CARNMT1: variants seen among roughly 807,000 people sequenced by gnomAD.
CARNMT1 encodes protein-L-histidine N-pros-methyltransferase CARNMT1.
A neutral mutation model predicts 49.6 loss-of-function variants in CARNMT1; 28 were observed. The observed-to-expected ratio is 0.56, with a 90% confidence interval of 0.42 to 0.77. The LOEUF is 0.77. CARNMT1 is among the 30% of genes least tolerant of loss of function. The pLI is 0.00. For missense variants in CARNMT1, 421 were observed against 512.6 expected (o/e 0.82, Z 1.73); for synonymous variants, 178 against 175.0 (o/e 1.02, Z -0.13).
At chr9:75,009,510 A>T (rs894721482) in intron 3 of CARNMT1, among the ~76,000 whole-genome samples, 4 of 152,132 alleles carry the variant, frequency 2.6e-5, no homozygotes, top group Admixed American at 2.6e-4. Context: ...ATCATCAAAC[A>T]TAAAATAAAA....
intron 6 of CARNMT1, among the ~76,000 whole-genome samples, chr9:74,992,841 T>C (rs1035762778): frequency 2.6e-5 from 4 of 152,186 alleles, no homozygotes; most frequent in Non-Finnish European, 5.9e-5. Context: ...CCATTATATA[T>C]GAATATATTG....
chr9:75,016,129 C>G (rs1833839540), intron 3 of CARNMT1, 139 bp downstream of exon 3: 1 of 604,652 alleles, frequency 1.7e-6, no homozygotes, highest in African/African-American at 1.9e-5. Flanking sequence ...CATCCAATAA[C>G]AAATGTTAAC....
chr9:75,012,443 T>C (rs1480167943), intron 3 of CARNMT1, among the ~76,000 whole-genome samples: 1 of 152,026 alleles, frequency 6.6e-6, no homozygotes, highest in African/African-American at 2.4e-5. Context: ...TGCACCACCA[T>C]GCCCAGCTAA....
intron 1 of CARNMT1, among the ~76,000 whole-genome samples, chr9:75,023,344 G>A (rs1564108285): frequency 6.6e-6 from 1 of 152,116 alleles, no homozygotes; most frequent in Non-Finnish European, 1.5e-5. Context: ...TTCAGCATAT[G>A]TAAAAAGCAA....
chr9:75,027,046 G>C (rs1201701885), intron 1 of CARNMT1: 1 of 1,301,346 alleles, frequency 7.7e-7, no homozygotes, highest in Non-Finnish European at 1.0e-6. Context: ...TATGGGAACA[G>C]GTTTACCTGC....
At chr9:75,023,974 G>C (rs1587314290) in intron 1 of CARNMT1, among the ~76,000 whole-genome samples, 1 of 152,182 alleles carries the variant, frequency 6.6e-6, no homozygotes, top group Non-Finnish European at 1.5e-5. Flanking sequence ...TTGCTGATAA[G>C]AGGAGAAAGT....
At chr9:75,005,366 C>T (rs946594700) in intron 3 of CARNMT1, among the ~76,000 whole-genome samples, 31 of 152,118 alleles carry the variant, frequency 2.0e-4, no homozygotes, top group African/African-American at 7.5e-4. Flanking sequence ...ATATTAAAAA[C>T]TTGAAACATA....
intron 3 of CARNMT1, among the ~76,000 whole-genome samples, chr9:75,013,829 C>A (rs374973918): frequency 4.0e-5 from 6 of 151,732 alleles, no homozygotes; most frequent in African/African-American, 1.4e-4. Context: ...CATAGCAAGA[C>A]CCCTGCCTCT....
chr9:75,013,110 T>C lies in CARNMT1; in HGVS notation c.590+3158A>G, dbSNP rs551196870. 2.6e-5 allele frequency among the ~76,000 whole-genome samples: 4 copies of C among 152,246 alleles called. No individual in the cohort carries two copies. In the South Asian group the frequency reaches 8.3e-4, roughly 32 times the overall value. On this transcript the variant is annotated intron_variant, in intron 3 of 7. Transcript: ENST00000376834. ...ATATTAGCTCCAATTCTCATAAGTATATACAGGCCCTATAATTGCAGCAGA... is the reference window on the plus strand; with the variant it reads ...ATATTAGCTCCAATTCTCATAAGTACATACAGGCCCTATAATTGCAGCAGA...
At chr9:75,007,454 C>T (rs1033662402) in intron 3 of CARNMT1, among the ~76,000 whole-genome samples, 14 of 151,862 alleles carry the variant, frequency 9.2e-5, no homozygotes, top group Non-Finnish European at 1.5e-4. Context: ...TTTGGCTGGG[C>T]GTGGTGGCTC....
intron 3 of CARNMT1, chr9:75,015,860 G>C (rs1833833776): frequency 6.6e-6 from 1 of 151,988 alleles, no homozygotes; most frequent in African/African-American, 2.4e-5. Context: ...ATGGGCTTCA[G>C]ACTGAACAAT....
At position 74,983,719 on chromosome 9, in the gene CARNMT1, G is replaced by T; in HGVS notation, c.*48C>A. 9.0e-7 allele frequency: 1 copy of T among 1,116,306 alleles called. No homozygotes were observed. The highest frequency in any genetic ancestry group is 1.4e-5 in the South Asian group (1 of 69,436). 69.2% of individuals were successfully genotyped at this position (1,116,306 alleles called of 1,614,324 possible). ...AGTTGATTTTGAGTCGTTGATTTCA[G>T]CATTTGTTCTTACTAAACTTTTTTC... On this transcript the variant is annotated 3_prime_UTR_variant, in exon 8 of 8. Coordinates refer to ENST00000376834, the MANE Select transcript of CARNMT1 (RefSeq NM_152420.3).
At position 75,028,276 on chromosome 9, in the gene CARNMT1, C is replaced by A; in HGVS notation, c.-35G>T. 1 of 1,345,446 alleles carries A rather than the reference C, an allele frequency of 7.4e-7. No homozygotes were observed. The highest frequency in any genetic ancestry group is 9.5e-7 in the Non-Finnish European group (1 of 1,052,564). The allele number at this position is 1,345,446 out of a possible 1,614,324, so 83.3% of individuals were successfully genotyped here. A position where few individuals can be genotyped will look rare whatever the true frequency, so the allele number is the denominator to read the frequency against. On this transcript the variant is annotated 5_prime_UTR_variant, in exon 1 of 8. Coordinates refer to ENST00000376834, the MANE Select transcript of CARNMT1 (RefSeq NM_152420.3). Reference sequence around the variant, plus strand: ...GGCCCTCGGCCTGGCTCGCTTGCGTCTCTCCGCGACCGACAGCGTGGTGGC... The same window carrying A: ...GGCCCTCGGCCTGGCTCGCTTGCGTATCTCCGCGACCGACAGCGTGGTGGC...
intron 1 of CARNMT1, among the ~76,000 whole-genome samples, chr9:75,018,409 C>T (rs1444478531): frequency 2.0e-5 from 3 of 152,034 alleles, no homozygotes; most frequent in African/African-American, 7.2e-5. Context: ...CACAGTATAT[C>T]ATTTTTATAT....
chr9:75,016,590 GAA>G (rs1335462750), intron 2 of CARNMT1, 159 bp from the exon 3 acceptor site: 3 of 628,438 alleles, frequency 4.8e-6, no homozygotes, highest in Admixed American at 3.1e-5. Context: ...GATCCTAAAT[GAA>G]AAGAGTTTGG....
rs569801759 is a variant in CARNMT1, at chr9:75,000,931, G to C, written c.591-1061C>G. Among the ~76,000 whole-genome samples the C allele has an allele frequency of 5.3e-5, 8 of 152,168 alleles. No individual in the cohort carries two copies. In the East Asian group the frequency reaches 1.4e-3, roughly 26 times the overall value. On this transcript the variant is annotated intron_variant, in intron 3 of 7. Transcript: ENST00000376834. ...TGAAAACTCATAGCTCTAGGACTCT[G>C]TGCTATTCCTTATATAAGGGAACTG...
At chr9:74,990,580 T>C (rs1832980743) in intron 6 of CARNMT1, among the ~76,000 whole-genome samples, 1 of 152,202 alleles carries the variant, frequency 6.6e-6, no homozygotes, top group African/African-American at 2.4e-5. Context: ...ATACATATAT[T>C]TCCTACCCTG....
At position 74,987,919 on chromosome 9, in the gene CARNMT1, C is replaced by T. The variant is rs112237772; in HGVS notation, c.1025-2909G>A. Among the ~76,000 whole-genome samples, 1,252 of 152,172 alleles carry T rather than the reference C, an allele frequency of 8.2e-3. 7 individuals carry two copies. Among genetic ancestry groups the T allele is most frequent in the Non-Finnish European group, 0.014 (928 of 67,994 alleles). ...GAGGCTGAGCAGTTTTTCATATTCA[C>T]GACCTAGTTGCCCATTCTTTAAACA... On this transcript the variant is annotated intron_variant, in intron 6 of 7. Coordinates refer to ENST00000376834, the MANE Select transcript of CARNMT1 (RefSeq NM_152420.3).
chr9:74,996,294 C>G, intron 6 of CARNMT1, 153 bp downstream of exon 6: 3 of 539,978 alleles, frequency 5.6e-6, no homozygotes, highest in Non-Finnish European at 9.7e-6. Flanking sequence ...GGATCACCAC[C>G]AGGATGCAGT....
Sources: gnomAD v4.1 joint callset for allele counts (sites outside exome capture counted in the v4.1 genomes callset) on GRCh38, gnomAD v4.1.1 for gene constraint, MANE v1.5 for transcripts, NCBI Gene and HGNC (gene_info 2026-07-23, HGNC 2026-07-21) for gene names.